Variants in BMPR1B observed in about 807,000 individuals in gnomAD.
The protein encoded by BMPR1B is bone morphogenetic protein receptor type-1B.
Under a neutral mutation model 59.1 loss-of-function variants are expected in BMPR1B, and 12 were observed. The observed-to-expected ratio is 0.20, with a 90% CI of 0.13 to 0.33. The LOEUF is 0.33. Among genes scored for constraint, BMPR1B ranks in the 10% least tolerant of loss-of-function variants. The pLI is 1.00. For missense variants in BMPR1B, 550 were observed against 610.9 expected, an observed-to-expected ratio of 0.90 and a Z score of 1.05; for synonymous variants, 237 against 207.3, an observed-to-expected ratio of 1.14 and a Z score of -1.23.
chr4:94,864,061 C>T (rs1447794680), intron 1 of BMPR1B, among the ~76,000 whole-genome samples: 1 of 152,084 alleles, frequency 6.6e-6, no homozygotes, highest in Non-Finnish European at 1.5e-5. Context: ...TACATTTTAG[C>T]TGATGTACTA....
chr4:94,780,059 T>C (rs1722530235), intron 1 of BMPR1B, among the ~76,000 whole-genome samples: 1 of 152,194 alleles, frequency 6.6e-6, no homozygotes, highest in Admixed American at 6.5e-5. Flanking sequence ...AATTTGATCA[T>C]GACATGTAAT....
In BMPR1B at chr4:95,034,422, C is replaced by T. The variant is rs191765352; in HGVS notation, c.-18+38288C>T. ...TGTACCCGGTGTGTAGTCTTTTATC[C>T]CTCACCCCTTCCCACCCATCCCACA... On this transcript the variant is annotated intron_variant, in intron 3 of 12. Transcript: ENST00000515059. Among the ~76,000 whole-genome samples the T allele has an allele frequency of 2.2e-4, 34 of 151,960 alleles. No individual in the cohort carries two copies. In the East Asian group the frequency reaches 5.6e-3, roughly 25 times the overall value.
chr4:94,996,702 C>T (rs565140947), intron 3 of BMPR1B, among the ~76,000 whole-genome samples: 5 of 152,288 alleles, frequency 3.3e-5, no homozygotes, highest in African/African-American at 1.2e-4. Context: ...GAACAGTCTT[C>T]CTAATCCACG....
intron 1 of BMPR1B, among the ~76,000 whole-genome samples, chr4:94,772,203 A>G (rs1456746848): frequency 1.3e-5 from 2 of 152,114 alleles, no homozygotes; most frequent in African/African-American, 2.4e-5. Context: ...GCCTGCCCAT[A>G]CTGTCATCAT....
At chr4:95,140,342 C>T (rs534880617) in intron 10 of BMPR1B, among the ~76,000 whole-genome samples, 87 of 151,936 alleles carry the variant, frequency 5.7e-4, no homozygotes, top group African/African-American at 2.0e-3. Context: ...CACCAGAGAT[C>T]CTACACATTC....
intron 3 of BMPR1B, among the ~76,000 whole-genome samples, chr4:95,084,679 G>A (rs945365327): frequency 2.0e-5 from 3 of 152,140 alleles, no homozygotes; most frequent in Non-Finnish European, 2.9e-5. Flanking sequence ...TCCCCATGCG[G>A]CATTACTACA....
intron 3 of BMPR1B, among the ~76,000 whole-genome samples, chr4:95,014,781 T>A (rs1225326532): frequency 6.6e-5 from 10 of 152,144 alleles, no homozygotes; most frequent in Admixed American, 6.6e-4. Flanking sequence ...ACTACCAAGG[T>A]CCTGATTTCA....
intron 3 of BMPR1B, among the ~76,000 whole-genome samples, chr4:95,099,671 A>T (rs1340225810): frequency 2.6e-5 from 4 of 152,148 alleles, no homozygotes; most frequent in East Asian, 3.9e-4. Context: ...AGATTTATTT[A>T]TTATTTTTTA....
At chr4:94,784,891 G>A (rs537221001) in intron 1 of BMPR1B, among the ~76,000 whole-genome samples, 45 of 152,262 alleles carry the variant, frequency 3.0e-4, no homozygotes, top group Admixed American at 2.7e-3. Context: ...CAGCCTTCCT[G>A]TGACCTTTAG....
chr4:94,989,977 A>T (rs1045544546), intron 2 of BMPR1B, among the ~76,000 whole-genome samples: 25 of 152,340 alleles, frequency 1.6e-4, no homozygotes, highest in African/African-American at 5.8e-4. Context: ...CTACTTTGGG[A>T]AACAGTTGGA....
intron 1 of BMPR1B, among the ~76,000 whole-genome samples, chr4:94,806,930 T>C (rs529135359): frequency 6.6e-6 from 1 of 152,198 alleles, no homozygotes; most frequent in South Asian, 2.1e-4. Context: ...CTTTTTCTTA[T>C]TAAAGATATT....
intron 3 of BMPR1B, among the ~76,000 whole-genome samples, chr4:95,006,774 C>G (rs960481240): frequency 1.4e-4 from 21 of 152,014 alleles, no homozygotes; most frequent in Non-Finnish European, 3.1e-4. Flanking sequence ...CTCCTGACTT[C>G]GTGATCCACC....
intron 1 of BMPR1B, among the ~76,000 whole-genome samples, chr4:94,778,093 T>TATA (rs574168431): frequency 1.1e-4 from 16 of 152,226 alleles, no homozygotes; most frequent in Non-Finnish European, 2.1e-4. Context: ...TTAAAGGATA[T>TATA]ATAATAATAA....
intron 10 of BMPR1B, among the ~76,000 whole-genome samples, chr4:95,148,535 A>G: frequency 6.6e-6 from 1 of 152,092 alleles, no homozygotes; most frequent in Non-Finnish European, 1.5e-5. Flanking sequence ...ACAGGCATGC[A>G]CCACAGTATC....
intron 3 of BMPR1B, among the ~76,000 whole-genome samples, chr4:95,000,354 A>G (rs544351350): frequency 6.6e-6 from 1 of 152,224 alleles, no homozygotes; most frequent in Admixed American, 6.5e-5. Context: ...TTTTTCAGAT[A>G]TAGTTTGCCC....
chr4:94,970,502 C>G (rs1286881941), intron 2 of BMPR1B, among the ~76,000 whole-genome samples: 3 of 152,022 alleles, frequency 2.0e-5, no homozygotes, highest in Non-Finnish European at 2.9e-5. Flanking sequence ...TTAGTAGAGA[C>G]AGGGTTTCGC....
intron 1 of BMPR1B, among the ~76,000 whole-genome samples, chr4:94,785,527 T>A (rs1722731126): frequency 6.6e-6 from 1 of 151,824 alleles, no homozygotes; most frequent in Non-Finnish European, 1.5e-5. Context: ...GGCATGGGGG[T>A]GGGGCATGGA....
chr4:94,788,632 GT>G (rs1456337801), intron 1 of BMPR1B, among the ~76,000 whole-genome samples: 3 of 152,106 alleles, frequency 2.0e-5, no homozygotes, highest in African/African-American at 7.2e-5. Context: ...TCATACCTTG[GT>G]TTACTAAATC....
In BMPR1B at chr4:95,051,922, C is replaced by T. The variant is rs976487233; in HGVS notation, c.-17-52486C>T. ...ATTCTCCAACTGCCCTGTAATTTTA[C>T]TACTTTCTCTATTATGGCAAGGCTT... is the stretch of plus-strand genomic sequence containing the variant. On this transcript the variant is annotated intron_variant, in intron 3 of 12. Transcript: ENST00000515059. The T allele has an allele frequency of 4.6e-6, 3 of 653,106 alleles. No homozygotes were observed. The African/African-American group carries it at 5.5e-5, about 12-fold the overall frequency. 40.5% of individuals were successfully genotyped at this position (653,106 alleles called of 1,614,324 possible). A position where few individuals can be genotyped will look rare whatever the true frequency, so the allele number is the denominator to read the frequency against.
Sources: gnomAD v4.1 joint callset for allele counts (sites outside exome capture counted in the v4.1 genomes callset) on GRCh38, gnomAD v4.1.1 for gene constraint, MANE v1.5 for transcripts, NCBI Gene and HGNC (gene_info 2026-07-23, HGNC 2026-07-21) for gene names.